Variants in PDE4B observed in about 807,000 individuals in gnomAD.
PDE4B encodes the protein phosphodiesterase 4B, also known as 3',5'-cyclic-AMP phosphodiesterase 4B.
In PDE4B, 20 loss-of-function variants were observed where a neutral mutation model predicts 82.2. The observed-to-expected ratio is 0.24, with a 90% confidence interval of 0.17 to 0.35. PDE4B has a LOEUF of 0.35. Among genes scored for constraint, PDE4B ranks in the 10% least tolerant of loss-of-function variants. The pLI is 1.00. For synonymous variants in PDE4B, 320 were observed against 318.9 expected (o/e 1.00, Z -0.04); for missense variants, 655 against 907.2 (o/e 0.72, Z 3.57).
At chr1:66,182,062 T>C (rs1430725964) in intron 3 of PDE4B, among the ~76,000 whole-genome samples, 2 of 152,170 alleles carry the variant, frequency 1.3e-5, no homozygotes, top group African/African-American at 4.8e-5. Context: ...AAAAAGTCAG[T>C]AAATAATATG....
intron 1 of PDE4B, among the ~76,000 whole-genome samples, chr1:65,842,937 G>A (rs1217380498): frequency 6.6e-6 from 1 of 152,148 alleles, no homozygotes; most frequent in African/African-American, 2.4e-5. Flanking sequence ...CAGGAAGATA[G>A]GGAAGTGGAG....
At chr1:66,133,764 A>G (rs1173280385) in intron 3 of PDE4B, among the ~76,000 whole-genome samples, 2 of 152,086 alleles carry the variant, frequency 1.3e-5, no homozygotes, top group African/African-American at 2.4e-5. Context: ...TACCTTCTCA[A>G]TATACTTTGG....
intron 7 of PDE4B, among the ~76,000 whole-genome samples, chr1:66,271,555 G>C (rs1166563728): frequency 6.6e-6 from 1 of 152,216 alleles, no homozygotes; most frequent in Non-Finnish European, 1.5e-5. Flanking sequence ...TTTTGCTATA[G>C]CAGTAAGCCA....
At chr1:66,205,349 C>T (rs1161513124) in intron 3 of PDE4B, among the ~76,000 whole-genome samples, 1 of 152,224 alleles carries the variant, frequency 6.6e-6, no homozygotes, top group African/African-American at 2.4e-5. Flanking sequence ...CTTGGGATTT[C>T]TTCACCCAGA....
intron 3 of PDE4B, among the ~76,000 whole-genome samples, chr1:66,061,473 T>C (rs775886790): frequency 1.3e-4 from 19 of 151,894 alleles, no homozygotes; most frequent in Non-Finnish European, 2.2e-4. Flanking sequence ...AGACAACCTA[T>C]AAAATGGATA....
chr1:66,002,285 G>A (rs1651908431), intron 3 of PDE4B, among the ~76,000 whole-genome samples: 1 of 151,460 alleles, frequency 6.6e-6, no homozygotes, highest in African/African-American at 2.4e-5. Flanking sequence ...TTATCTCTTT[G>A]GTAAAATAAA....
chr1:65,886,866 T>C (rs571098671), intron 1 of PDE4B, among the ~76,000 whole-genome samples: 1 of 152,184 alleles, frequency 6.6e-6, no homozygotes, highest in African/African-American at 2.4e-5. Context: ...TATACACTTA[T>C]TTATTTTCCA....
At chr1:66,283,868 G>C (rs910506331) in intron 7 of PDE4B, among the ~76,000 whole-genome samples, 3 of 152,150 alleles carry the variant, frequency 2.0e-5, no homozygotes, top group Non-Finnish European at 4.4e-5. Context: ...GTCAGAGAGA[G>C]AGAAGGGAGA....
chr1:66,255,570 G>A (rs1654154387), intron 4 of PDE4B, among the ~76,000 whole-genome samples: 1 of 152,136 alleles, frequency 6.6e-6, no homozygotes, highest in Admixed American at 6.6e-5. Context: ...TCCCATTTCA[G>A]TACCTTTGTT....
chr1:66,024,931 TTAAC>T (rs1653352793), intron 3 of PDE4B, among the ~76,000 whole-genome samples: 1 of 151,958 alleles, frequency 6.6e-6, no homozygotes, highest in African/African-American at 2.4e-5. Context: ...TATGAATTAC[TTAAC>T]TAAAGTATTA....
chr1:66,039,192 A>G, intron 3 of PDE4B, among the ~76,000 whole-genome samples: 1 of 152,118 alleles, frequency 6.6e-6, no homozygotes, highest in South Asian at 2.1e-4. Context: ...ATAGATAACA[A>G]TTAGATATTG....
chr1:66,238,641 G>T (rs773166075), intron 3 of PDE4B, among the ~76,000 whole-genome samples: 9 of 152,198 alleles, frequency 5.9e-5, no homozygotes, highest in Non-Finnish European at 1.0e-4. Flanking sequence ...GGAGAAAGGA[G>T]GTTGGGAAGG....
At chr1:66,113,939 T>C (rs1388894853) in intron 3 of PDE4B, among the ~76,000 whole-genome samples, 1 of 152,196 alleles carries the variant, frequency 6.6e-6, no homozygotes, top group Admixed American at 6.5e-5. Flanking sequence ...CATTTGAGAG[T>C]AAGCACTTCT....
intron 8 of PDE4B, chr1:66,354,743 T>C (rs1014637299): frequency 5.4e-6 from 8 of 1,471,812 alleles, no homozygotes; most frequent in Non-Finnish European, 7.2e-6. Context: ...GATTATTTTA[T>C]CACTGAATCT....
chr1:65,946,419 G>A (rs960771935), intron 3 of PDE4B, among the ~76,000 whole-genome samples: 1 of 151,946 alleles, frequency 6.6e-6, no homozygotes, highest in Non-Finnish European at 1.5e-5. Context: ...GTCTACTATG[G>A]CTGATTTCAA....
At position 66,168,073 on chromosome 1, in the gene PDE4B, A is replaced by G. The variant is rs567499508; in HGVS notation, c.282-79387A>G. Among the ~76,000 whole-genome samples the G allele has an allele frequency of 6.7e-4, 102 of 152,238 alleles. 3 individuals are homozygous for G. In the South Asian group the frequency reaches 0.021, roughly 31 times the overall value. ...GACCCAAAATATTATTTTCATGAAA[A>G]TCACTTCTATTTATTATGAACTAGA... On this transcript the variant is annotated intron_variant, in intron 3 of 16. Transcript: ENST00000341517.
intron 1 of PDE4B, among the ~76,000 whole-genome samples, chr1:65,878,142 A>T (rs1434208483): frequency 6.6e-6 from 1 of 152,224 alleles, no homozygotes; most frequent in African/African-American, 2.4e-5. Context: ...GCTCATTATC[A>T]TTGGTCATTA....
intron 3 of PDE4B, among the ~76,000 whole-genome samples, chr1:66,007,849 C>T (rs17128218): frequency 0.04 from 6,024 of 152,116 alleles, 409 homozygotes; most frequent in African/African-American, 0.14. Flanking sequence ...AAAGTTGAGA[C>T]TCAGGAAGGT....
intron 3 of PDE4B, among the ~76,000 whole-genome samples, chr1:66,201,812 A>AT (rs1383090801): frequency 2.0e-5 from 3 of 151,694 alleles, no homozygotes; most frequent in Admixed American, 6.6e-5. Context: ...GGATTCATTG[A>AT]TTTTTTTGAA....
Sources: gnomAD v4.1 joint callset for allele counts (sites outside exome capture counted in the v4.1 genomes callset) on GRCh38, gnomAD v4.1.1 for gene constraint, MANE v1.5 for transcripts, NCBI Gene and HGNC (gene_info 2026-07-23, HGNC 2026-07-21) for gene names.